FBXO47: variants seen among roughly 807,000 people sequenced by gnomAD.
The protein encoded by FBXO47 is F-box only protein 47.
In FBXO47, 34 loss-of-function variants were observed where a neutral mutation model predicts 53.9. The observed-to-expected ratio is 0.63, with a 90% confidence interval of 0.48 to 0.84. FBXO47 has a LOEUF of 0.84. Among genes scored for constraint, FBXO47 ranks in the 40% least tolerant of loss-of-function variants. The pLI is 0.00. For missense variants in FBXO47, 485 were observed against 541.3 expected, an observed-to-expected ratio of 0.90 and a Z score of 1.03; for synonymous variants, 165 against 181.6, an observed-to-expected ratio of 0.91 and a Z score of 0.73.
At chr17:38,946,614 C>CTATATAAATATATATGAATATTTAAATA (rs1904878666) in intron 6 of FBXO47, among the ~76,000 whole-genome samples, 1 of 9,840 alleles carries the variant, frequency 1.0e-4, no homozygotes, top group African/African-American at 6.7e-4. Context: ...ATATATATAA[C>CTATATAAATATATATGAATATTTAAATA]TATATAAATA....
At chr17:38,941,576 C>T (rs1160754606) in intron 9 of FBXO47, among the ~76,000 whole-genome samples, 2 of 146,394 alleles carry the variant, frequency 1.4e-5, no homozygotes, top group Admixed American at 1.4e-4. Context: ...ATAGTAAGCA[C>T]TCAATACAAA....
At chr17:38,964,723 TAGAA>T (rs975016535) in intron 1 of FBXO47, among the ~76,000 whole-genome samples, 9 of 152,288 alleles carry the variant, frequency 5.9e-5, no homozygotes, top group African/African-American at 1.7e-4. Flanking sequence ...TGATGAATCT[TAGAA>T]AGGGCCTACG....
intron 9 of FBXO47, among the ~76,000 whole-genome samples, chr17:38,941,295 G>C (rs895761632): frequency 1.3e-4 from 20 of 151,434 alleles, no homozygotes; most frequent in Non-Finnish European, 1.9e-4. Context: ...TCAGCCTCCC[G>C]AGTAGCTGGG....
In FBXO47 at chr17:38,963,033, C is replaced by G. The variant is rs1417542479; in HGVS notation, c.-8G>C. Reference sequence around the variant, plus strand: ...ATTTATTCTGGATGCCATTCTTCTTCTTGTCTCACAAATTTATCCTGGTCA... The same window carrying G: ...ATTTATTCTGGATGCCATTCTTCTTGTTGTCTCACAAATTTATCCTGGTCA... On this transcript the variant is annotated 5_prime_UTR_variant, in exon 2 of 11. Transcript: ENST00000378079. 2 of 1,601,548 alleles carry G rather than the reference C, an allele frequency of 1.2e-6. No individual in the cohort carries two copies. The highest frequency in any genetic ancestry group is 1.7e-5 in the Admixed American group (1 of 59,240).
intron 5 of FBXO47, among the ~76,000 whole-genome samples, 200 bp from the exon 6 acceptor site, chr17:38,951,889 G>T (rs1905310920): frequency 6.6e-6 from 1 of 152,144 alleles, no homozygotes; most frequent in South Asian, 2.1e-4. Context: ...AATTAGCCAG[G>T]TGTGGTGGCG....
intron 6 of FBXO47, among the ~76,000 whole-genome samples, chr17:38,950,675 G>A (rs927041636): frequency 6.6e-6 from 1 of 151,828 alleles, no homozygotes; most frequent in East Asian, 1.9e-4. Flanking sequence ...TCGATATAAG[G>A]TTCTATAATT....
Sources: gnomAD v4.1 joint callset for allele counts (sites outside exome capture counted in the v4.1 genomes callset) on GRCh38, gnomAD v4.1.1 for gene constraint, MANE v1.5 for transcripts, NCBI Gene and HGNC (gene_info 2026-07-23, HGNC 2026-07-21) for gene names.